The following KRT86 variants were observed in gnomAD, a reference collection of about 807,000 sequenced individuals.
KRT86 encodes keratin 86.
A neutral mutation model predicts 41.2 loss-of-function variants in KRT86; 30 were observed. That is an observed-to-expected ratio of 0.73 (90% CI 0.54 to 0.99). KRT86 has a LOEUF of 0.99. KRT86 is among the 50% of genes least tolerant of loss of function. The pLI is 0.00. For synonymous variants in KRT86, 238 were observed against 238.1 expected (o/e 1.00, Z 0.00); for missense variants, 561 against 571.4 (o/e 0.98, Z 0.19).
In KRT86 at chr12:52,306,140, C is replaced by A. The variant is rs376051219; in HGVS notation, c.1107C>A (p.Ala369=). The A allele has an allele frequency of 2.7e-5, 44 of 1,613,842 alleles. No individual in the cohort carries two copies. In the Middle Eastern group the frequency reaches 5.1e-4, roughly 19 times the overall value. The part of the protein sequence containing the change: ...AALSDARCKL[A]ELEGALQKAK... ...TCAGCGATGCCCGCTGCAAGTTGGC[C>A]GAGCTGGAGGGTGCCCTGCAGAAGG... Residue 369 remains alanine, a synonymous_variant, in exon 9 of 11, where the codon GCC becomes GCA. Transcript: ENST00000423955.
intron 2 of KRT86, among the ~76,000 whole-genome samples, chr12:52,278,480 GTCA>G (rs1484854407): frequency 8.2e-6 from 1 of 122,684 alleles, no homozygotes; most frequent in Admixed American, 8.8e-5. Context: ...CCTCCAAAAA[GTCA>G]TCAACAAAAG....
At chr12:52,279,186 T>C (rs1937712139) in intron 2 of KRT86, 1 of 152,280 alleles carries the variant, frequency 6.6e-6, no homozygotes, top group Admixed American at 6.5e-5. Context: ...CTCCCGGCTG[T>C]GTCCGTGGGC....
chr12:52,286,049 C>T, intron 2 of KRT86: 1 of 600,368 alleles, frequency 1.7e-6, no homozygotes, highest in South Asian at 2.0e-5. Flanking sequence ...TGCCAGCGGA[C>T]TTCTTTCTAG....
Position 52,306,062 on chromosome 12 carries a change from T to C in KRT86, c.1029T>C (p.Asn343=), listed in dbSNP as rs763647926. The C allele has an allele frequency of 2.6e-5, 42 of 1,613,788 alleles. 1 individual carries two copies. The highest frequency in any genetic ancestry group is 1.3e-4 in the South Asian group (12 of 91,074). The change falls in exon 9 of 11, where the codon AAT becomes AAC. Residue 343 remains asparagine (N), a splice_region_variant and synonymous_variant. Coordinates refer to ENST00000423955, the MANE Select transcript of KRT86 (RefSeq NM_001320198.2). The part of the protein sequence containing the change: ...TAEVENAKCQ[N]SKLEAAVAQS... ...CTTGTTCTCTCTGTTCTCTTCAGAA[T>C]TCCAAGCTGGAGGCTGCGGTGGCTC...
chr12:52,283,393 A>ACAC (rs777605119), intron 2 of KRT86, among the ~76,000 whole-genome samples: 3 of 64,318 alleles, frequency 4.7e-5, no homozygotes, highest in Non-Finnish European at 9.3e-5. Context: ...ACTGTCTCAC[A>ACAC]AAAAAAAAAA....
intron 2 of KRT86, chr12:52,287,472 C>G (rs1937984820): frequency 1.3e-6 from 2 of 1,592,242 alleles, no homozygotes; most frequent in Admixed American, 1.7e-5. Flanking sequence ...AGACCACGAC[C>G]AGGGACTCTA....
intron 2 of KRT86, chr12:52,286,152 G>T: frequency 1.1e-6 from 1 of 918,048 alleles, no homozygotes; most frequent in Non-Finnish European, 1.7e-6. Context: ...CTTTCAAAGT[G>T]CAGGAGAAGT....
intron 2 of KRT86, among the ~76,000 whole-genome samples, chr12:52,297,059 C>T (rs1938268080): frequency 6.6e-6 from 1 of 152,240 alleles, no homozygotes; most frequent in South Asian, 2.1e-4. Flanking sequence ...ACCTGTTGTC[C>T]ACCCACTAGC....
chr12:52,292,828 C>T (rs1938163425), intron 2 of KRT86, among the ~76,000 whole-genome samples: 2 of 152,146 alleles, frequency 1.3e-5, no homozygotes, highest in Non-Finnish European at 2.9e-5. Flanking sequence ...CATAAAATGT[C>T]AGATTGGTGA....
At chr12:52,291,488 G>C in intron 2 of KRT86, 1 of 1,611,972 alleles carries the variant, frequency 6.2e-7, no homozygotes, top group Non-Finnish European at 8.5e-7. Flanking sequence ...CGTTTGGGTT[G>C]CAGAGGACAG....
intron 2 of KRT86, chr12:52,286,528 G>T (rs2121230766): frequency 6.5e-7 from 1 of 1,546,312 alleles, no homozygotes; most frequent in Non-Finnish European, 8.7e-7. Context: ...AAATTCTGAA[G>T]GGCAAGCCAT....
chr12:52,305,485 T>C (rs1281805313), intron 7 of KRT86, 81 bp downstream of exon 7: 9 of 1,610,808 alleles, frequency 5.6e-6, no homozygotes, highest in African/African-American at 2.7e-5. Context: ...CTTCCTTTTC[T>C]GGGGATGCAC....
intron 2 of KRT86, chr12:52,288,543 AG>A: frequency 6.7e-7 from 1 of 1,483,284 alleles, no homozygotes; most frequent in Non-Finnish European, 9.4e-7. Flanking sequence ...CCATGTAGCC[AG>A]GGGAAAGCAG....
intron 2 of KRT86, among the ~76,000 whole-genome samples, chr12:52,296,924 A>G (rs897727340): frequency 6.6e-6 from 1 of 152,228 alleles, no homozygotes; most frequent in Non-Finnish European, 1.5e-5. Context: ...ACAGCTGTGT[A>G]GCAGAGTCTC....
chr12:52,291,507 A>G, intron 2 of KRT86: 1 of 1,608,134 alleles, frequency 6.2e-7, no homozygotes, highest in Non-Finnish European at 8.5e-7. Flanking sequence ...AGGATAGGGG[A>G]CCTGGAGTCC....
chr12:52,282,618 C>T (rs1487890979), intron 2 of KRT86, among the ~76,000 whole-genome samples: 2 of 152,202 alleles, frequency 1.3e-5, no homozygotes, highest in Non-Finnish European at 2.9e-5. Context: ...TGAGAGTGAC[C>T]ATAGGGCAGG....
chr12:52,298,081 A>G (rs1480177049), intron 2 of KRT86, among the ~76,000 whole-genome samples: 2 of 152,254 alleles, frequency 1.3e-5, no homozygotes, highest in Non-Finnish European at 2.9e-5. Flanking sequence ...CACAGATTAC[A>G]GAATTTTTAG....
chr12:52,294,809 A>C (rs1257943755), intron 2 of KRT86, among the ~76,000 whole-genome samples: 1 of 152,200 alleles, frequency 6.6e-6, no homozygotes, highest in East Asian at 1.9e-4. Flanking sequence ...TTACAGTTTT[A>C]GAACCAATGC....
At chr12:52,298,242 C>T (rs1348832548) in intron 2 of KRT86, among the ~76,000 whole-genome samples, 1 of 152,188 alleles carries the variant, frequency 6.6e-6, no homozygotes, top group Non-Finnish European at 1.5e-5. Flanking sequence ...TTTTGGGGTT[C>T]TTTTCGAGGA....
Sources: gnomAD v4.1 joint callset for allele counts (sites outside exome capture counted in the v4.1 genomes callset) on GRCh38, gnomAD v4.1.1 for gene constraint, MANE v1.5 for transcripts, NCBI Gene and HGNC (gene_info 2026-07-23, HGNC 2026-07-21) for gene names.